The following KLHL8 variants were observed in gnomAD, a reference collection of about 807,000 sequenced individuals.
KLHL8 encodes kelch-like protein 8.
In KLHL8, 38 loss-of-function variants were observed where a neutral mutation model predicts 63.5. That is an observed-to-expected ratio of 0.60 (90% CI 0.46 to 0.78). The LOEUF (loss-of-function observed/expected upper bound fraction) is 0.78, where lower values mean the gene tolerates loss of function less well. Among genes scored for constraint, KLHL8 ranks in the 30% least tolerant of loss-of-function variants. The pLI is 0.00. For synonymous variants in KLHL8, 224 were observed against 254.3 expected (o/e 0.88, Z 1.13); for missense variants, 566 against 752.4 (o/e 0.75, Z 2.90).
chr4:87,193,513 T>TTTC (rs1185680656), intron 2 of KLHL8, among the ~76,000 whole-genome samples: 1 of 152,192 alleles, frequency 6.6e-6, no homozygotes, highest in Non-Finnish European at 1.5e-5. Context: ...AAGAATCAAC[T>TTTC]TTCTGCAATT....
At chr4:87,170,287 T>C (rs1190312970) in intron 7 of KLHL8, 49 bp from the exon 8 acceptor site, 12 of 1,552,746 alleles carry the variant, frequency 7.7e-6, no homozygotes, top group African/African-American at 5.5e-5. Flanking sequence ...AATTTATTTA[T>C]ATATTGTTTT....
intron 6 of KLHL8, 45 bp from the exon 7 acceptor site, chr4:87,170,660 A>C (rs768042496): frequency 1.3e-6 from 2 of 1,532,608 alleles, no homozygotes. Context: ...GTTTGTTTCC[A>C]GGAAAAAAAG....
chr4:87,224,436 G>T (rs1416394271), upstream of KLHL8, among the ~76,000 whole-genome samples: 4 of 152,116 alleles, frequency 2.6e-5, no homozygotes. Flanking sequence ...CGAGGGATTT[G>T]GAAAGATTAA....
At chr4:87,226,434 A>ACG (rs1348568910) in intron 1 of KLHL8, among the ~76,000 whole-genome samples, 2 of 149,722 alleles carry the variant, frequency 1.3e-5, no homozygotes, top group Non-Finnish European at 3.0e-5. Context: ...ATGGCGGTGC[A>ACG]CGCCTGTAGT....
chr4:87,167,540 T>C, intron 8 of KLHL8: 3 of 541,416 alleles, frequency 5.5e-6, no homozygotes, highest in South Asian at 1.4e-5. Context: ...AGAACTCGAA[T>C]GGCCTTGTCT....
intron 1 of KLHL8, chr4:87,208,082 C>A: frequency 1.8e-6 from 1 of 565,398 alleles, no homozygotes; most frequent in African/African-American, 1.9e-5. Context: ...CACATGGCCT[C>A]CAAAAGGAAG....
chr4:87,193,189 C>T (rs1373333540), intron 2 of KLHL8, among the ~76,000 whole-genome samples: 1 of 152,204 alleles, frequency 6.6e-6, no homozygotes, highest in African/African-American at 2.4e-5. Flanking sequence ...AAAACACACA[C>T]ATTGCACAGC....
At chr4:87,229,442 G>T (rs1329387764) in intron 1 of KLHL8, among the ~76,000 whole-genome samples, 14 of 150,632 alleles carry the variant, frequency 9.3e-5, no homozygotes, top group South Asian at 8.4e-4. Context: ...TTTTGGTGGG[G>T]GGGGGTGCAG....
upstream of KLHL8, chr4:87,220,893 A>G (rs969336401): frequency 6.6e-6 from 1 of 152,188 alleles, no homozygotes; most frequent in Non-Finnish European, 1.5e-5. Flanking sequence ...GTTTCTTTGT[A>G]TGTCCATCAA....
At chr4:87,238,219 C>T (rs35844368) in intron 1 of KLHL8, among the ~76,000 whole-genome samples, 27,800 of 152,188 alleles carry the variant, frequency 0.18, 3,144 homozygotes, top group East Asian at 0.43. Context: ...CAGGCGTGAA[C>T]GTCCACGCTC....
At position 87,197,765 on chromosome 4, in the gene KLHL8, C is replaced by T. The variant is rs148634671; in HGVS notation, c.-151-2075G>A. 5.8e-3 allele frequency among the ~76,000 whole-genome samples: 878 copies of T among 152,142 alleles called. 13 individuals are homozygous for T. The highest frequency in any genetic ancestry group is 0.025 in the Admixed American group (387 of 15,264). The stretch of plus-strand genomic sequence containing the variant: ...GCCACTGTAATATCTCTCTTAAATT[C>T]ACATTCCTGCTGCAAAATCAACAAA... On this transcript the variant is annotated intron_variant, in intron 1 of 9. Coordinates refer to ENST00000273963, the MANE Select transcript of KLHL8 (RefSeq NM_020803.5).
intron 1 of KLHL8, among the ~76,000 whole-genome samples, chr4:87,226,620 TAA>T (rs1491097030): frequency 5.5e-4 from 26 of 47,532 alleles, no homozygotes; most frequent in African/African-American, 2.3e-3. Flanking sequence ...TTTATATAAA[TAA>T]TATATATTAC....
intron 6 of KLHL8, among the ~76,000 whole-genome samples, chr4:87,173,747 C>T (rs1383425504): frequency 1.3e-5 from 2 of 152,114 alleles, no homozygotes. Context: ...TGGCTAAAAA[C>T]CAACATAGTA....
intron 1 of KLHL8, among the ~76,000 whole-genome samples, chr4:87,197,818 T>C (rs947595123): frequency 7.2e-5 from 11 of 151,962 alleles, no homozygotes; most frequent in African/African-American, 2.7e-4. Context: ...AGAAAACAAA[T>C]AGCATAATCA....
At chr4:87,226,621 A>AATATATATTATTTATATAAATAAT (rs1732983327) in intron 1 of KLHL8, among the ~76,000 whole-genome samples, 1 of 49,464 alleles carries the variant, frequency 2.0e-5, no homozygotes, top group Non-Finnish European at 3.4e-5. Flanking sequence ...TTATATAAAT[A>AATATATATTATTTATATAAATAAT]ATATATATTA....
At chr4:87,196,198 T>C (rs1578384499) in intron 1 of KLHL8, among the ~76,000 whole-genome samples, 2 of 151,482 alleles carry the variant, frequency 1.3e-5, no homozygotes, top group Non-Finnish European at 2.9e-5. Context: ...AGATGATAGG[T>C]AAAGTTCACT....
At chr4:87,200,155 A>G (rs949530577) in intron 1 of KLHL8, among the ~76,000 whole-genome samples, 11 of 150,410 alleles carry the variant, frequency 7.3e-5, no homozygotes, top group East Asian at 1.9e-4. Flanking sequence ...AAAAAAAAAA[A>G]AAAAAGAAAA....
At chr4:87,219,979 C>T (rs1732759509) in intron 1 of KLHL8, 1 of 152,180 alleles carries the variant, frequency 6.6e-6, no homozygotes, top group South Asian at 2.1e-4. Context: ...CTCCCGGGGC[C>T]CCGAACCCGC....
chr4:87,208,037 T>A lies in KLHL8; in HGVS notation c.-151-12347A>T, dbSNP rs142614439. The stretch of plus-strand genomic sequence containing the variant: ...ATCATTTCTTGGTATAGCGATGAAT[T>A]TGGCTACAGCAACAAGGTCGTGGAC... On this transcript the variant is annotated intron_variant, in intron 1 of 9. Coordinates refer to ENST00000273963, the MANE Select transcript of KLHL8 (RefSeq NM_020803.5). 1.5e-3 allele frequency: 971 copies of A among 654,198 alleles called. 3 individuals are homozygous for A. The highest frequency in any genetic ancestry group is 2.3e-3 in the Non-Finnish European group (796 of 351,506). The allele number at this position is 654,198 out of a possible 1,614,324, so 40.5% of individuals were successfully genotyped here.
Sources: gnomAD v4.1 joint callset for allele counts (sites outside exome capture counted in the v4.1 genomes callset) on GRCh38, gnomAD v4.1.1 for gene constraint, MANE v1.5 for transcripts, NCBI Gene and HGNC (gene_info 2026-07-23, HGNC 2026-07-21) for gene names.